The following CLEC18A variants were observed in gnomAD, a reference collection of about 807,000 sequenced individuals.
CLEC18A encodes the protein C-type lectin domain family 18 member A.
Under a neutral mutation model 24.0 loss-of-function variants are expected in CLEC18A, and 5 were observed. The observed-to-expected ratio is 0.21, with a 90% CI of 0.11 to 0.44. CLEC18A has a LOEUF of 0.44. Among genes scored for constraint, CLEC18A ranks in the 20% least tolerant of loss-of-function variants. The probability of loss-of-function intolerance (pLI) is 0.99; values close to 1 mark genes in which losing one functional copy is unlikely to be tolerated. For missense variants in CLEC18A, 83 were observed against 233.4 expected (o/e 0.36, Z 4.20); for synonymous variants, 29 against 100.1 (o/e 0.29, Z 4.24).
At chr16:69,946,781 G>C (rs1268873230), upstream of CLEC18A, among the ~76,000 whole-genome samples, 2 of 112,248 alleles carry the variant, frequency 1.8e-5, no homozygotes, top group African/African-American at 7.8e-5. Flanking sequence ...ATTTTGGTAT[G>C]TTAATTTTGT....
chr16:69,948,461 T>C (rs1311852166), upstream of CLEC18A, among the ~76,000 whole-genome samples: 1 of 151,296 alleles, frequency 6.6e-6, no homozygotes, highest in Non-Finnish European at 1.5e-5. Context: ...CAGGAAGAGA[T>C]AAAATGACTC....
At chr16:69,964,936 C>G (rs645442), downstream of CLEC18A, among the ~76,000 whole-genome samples, 105 of 152,034 alleles carry the variant, frequency 6.9e-4, 1 homozygote, top group African/African-American at 2.0e-3. Context: ...CAAGTAGCTG[C>G]AACCACAGGT....
At chr16:69,951,750 GC>G in intron 1 of CLEC18A, 5 of 283,386 alleles carry the variant, frequency 1.8e-5, no homozygotes, top group Non-Finnish European at 2.9e-5. Flanking sequence ...GAAATCCGTG[GC>G]CCGGAGGAGC....
At chr16:69,946,525 G>A (rs559223188), upstream of CLEC18A, among the ~76,000 whole-genome samples, 1,116 of 144,164 alleles carry the variant, frequency 7.7e-3, 5 homozygotes, top group African/African-American at 0.027. Context: ...AGCCTCCTGA[G>A]TAGAGTAGCT....
In CLEC18A at chr16:69,963,594, T is replaced by TG. The variant is rs1397484406; in HGVS notation, c.1328dup (p.Gly445ArgfsTer33). 100 of 1,608,156 alleles carry TG rather than the reference T, an allele frequency of 6.2e-5. No homozygotes were observed. Among genetic ancestry groups the TG allele is most frequent in the Non-Finnish European group, 8.2e-5 (97 of 1,178,374 alleles). The stretch of plus-strand genomic sequence containing the variant: ...TCCAGCCCAGGAGCACATCTCCCGG[T>TG]GGGGCCCAGGGTCCTGAGGCCTGAC... On this transcript the variant is annotated frameshift_variant, in exon 12 of 12. Transcript: ENST00000288040. LOFTEE classifies it high-confidence loss of function.
At chr16:69,954,237 C>G (rs2059000175) in intron 2 of CLEC18A, 97 bp from the exon 3 acceptor site, 4 of 1,495,606 alleles carry the variant, frequency 2.7e-6, no homozygotes, top group Non-Finnish European at 3.6e-6. Context: ...TGACCTGGCA[C>G]CCGGTGGATG....
Position 69,954,345 on chromosome 16 carries a change from C to T in CLEC18A, c.228C>T (p.Asp76=). 1 of 1,584,564 alleles carries T rather than the reference C, an allele frequency of 6.3e-7. No individual in the cohort carries two copies. The highest frequency in any genetic ancestry group is 8.6e-7 in the Non-Finnish European group (1 of 1,159,948). The change falls in exon 3 of 12, where the codon GAC becomes GAT. Residue 76 remains aspartate, a synonymous_variant. Coordinates refer to ENST00000288040, the MANE Select transcript of CLEC18A (RefSeq NM_001370523.4). ...TGTGCTGCCCCCAGGACTGGAGTGA[C>T]AGCCTGGCCCAGCTGGCTCAAGCCA... ...AADMRRLDWS[D]SLAQLAQARA...
At chr16:69,946,110 A>T (rs1222261963), upstream of CLEC18A, among the ~76,000 whole-genome samples, 24 of 51,692 alleles carry the variant, frequency 4.6e-4, 3 homozygotes, top group African/African-American at 2.7e-3. Flanking sequence ...AAAAAAGAAA[A>T]GAAAAAAAAA....
intron 3 of CLEC18A, among the ~76,000 whole-genome samples, chr16:69,957,225 C>A (rs2059050257): frequency 6.7e-6 from 1 of 149,344 alleles, no homozygotes. Flanking sequence ...TGCAGTGGTG[C>A]AATCTCAGCT....
chr16:69,965,924 A>G (rs675363), downstream of CLEC18A, among the ~76,000 whole-genome samples: 5,782 of 31,682 alleles, frequency 0.18, 1,458 homozygotes, highest in East Asian at 0.45. Context: ...CATTCACTCT[A>G]CCAGGCTCTC....
chr16:69,952,914 A>C, intron 2 of CLEC18A: 1 of 142,222 alleles, frequency 7.0e-6, no homozygotes, highest in African/African-American at 2.7e-5. Flanking sequence ...GGGTGGCTAA[A>C]TGCGGGGGGT....
At chr16:69,948,764 G>A (rs2058917354), upstream of CLEC18A, among the ~76,000 whole-genome samples, 1 of 139,112 alleles carries the variant, frequency 7.2e-6, no homozygotes, top group East Asian at 2.2e-4. Context: ...CCTGGTTAGG[G>A]GCCCAGCAGA....
downstream of CLEC18A, chr16:69,964,410 TTGAG>T (rs1399293052): frequency 2.0e-5 from 3 of 151,062 alleles, no homozygotes; most frequent in African/African-American, 7.3e-5. Context: ...GGCAGAGAGA[TTGAG>T]TAACTTGCAT....
upstream of CLEC18A, among the ~76,000 whole-genome samples, chr16:69,950,395 C>T (rs1312501806): frequency 3.1e-5 from 4 of 128,032 alleles, no homozygotes; most frequent in Admixed American, 1.6e-4. Context: ...GGTTGCAGCC[C>T]GCAGGAAGCC....
intron 3 of CLEC18A, among the ~76,000 whole-genome samples, chr16:69,956,203 C>T (rs1273336088): frequency 6.4e-5 from 9 of 140,160 alleles, no homozygotes; most frequent in South Asian, 4.8e-4. Context: ...GCTGAGACTG[C>T]GCCATTGCAC....
downstream of CLEC18A, among the ~76,000 whole-genome samples, chr16:69,964,637 C>T (rs1163099765): frequency 2.0e-5 from 3 of 151,064 alleles, no homozygotes; most frequent in Non-Finnish European, 2.9e-5. Context: ...GTAGCTGGGA[C>T]TACAGACGCC....
intron 3 of CLEC18A, among the ~76,000 whole-genome samples, chr16:69,955,835 T>A (rs2059026766): frequency 6.6e-6 from 1 of 151,674 alleles, no homozygotes; most frequent in Admixed American, 6.6e-5. Flanking sequence ...CAACGAATAT[T>A]TGTTGAGGGT....
intron 3 of CLEC18A, among the ~76,000 whole-genome samples, chr16:69,955,344 CAT>C (rs1488252060): frequency 6.6e-6 from 1 of 150,810 alleles, no homozygotes; most frequent in Non-Finnish European, 1.5e-5. Context: ...TAATTTCAAA[CAT>C]AAACGTATTT....
chr16:69,944,423 A>C, the CLEC18A span, among the ~76,000 whole-genome samples: 237 of 152,222 alleles, frequency 1.6e-3, 2 homozygotes, highest in South Asian at 0.013. Context: ...TGAACCAGAC[A>C]GAGAAACATT....
Sources: allele counts gnomAD v4.1 joint callset (sites outside exome capture counted in the v4.1 genomes callset), GRCh38; gene constraint gnomAD v4.1.1; transcripts MANE v1.5; gene names NCBI Gene and HGNC (gene_info 2026-07-23, HGNC 2026-07-21).